The following CDK14 variants were observed in gnomAD, a reference collection of about 807,000 sequenced individuals.
The protein encoded by CDK14 is cyclin-dependent kinase 14.
In CDK14, 34 loss-of-function variants were observed where a neutral mutation model predicts 60.7. The ratio of observed to expected loss-of-function variants is 0.56; its 90% CI spans 0.43 to 0.75. The LOEUF (loss-of-function observed/expected upper bound fraction) is 0.75, where lower values mean the gene tolerates loss of function less well. Among genes scored for constraint, CDK14 ranks in the 30% least tolerant of loss-of-function variants. The pLI, the probability that CDK14 is intolerant of heterozygous loss-of-function variation, is 0.00. For missense variants in CDK14, 482 were observed against 564.1 expected (o/e 0.85, Z 1.47); for synonymous variants, 197 against 203.7 (o/e 0.97, Z 0.28).
chr7:90,879,114 G>A (rs1276601354), intron 6 of CDK14, among the ~76,000 whole-genome samples: 1 of 152,142 alleles, frequency 6.6e-6, no homozygotes. Context: ...CAATGACTTG[G>A]ACTATCCTGA....
At chr7:90,639,262 T>C (rs543389777) in intron 2 of CDK14, among the ~76,000 whole-genome samples, 1,775 of 152,128 alleles carry the variant, frequency 0.012, 36 homozygotes, top group African/African-American at 0.04. Context: ...TGTGGTTTTA[T>C]CTACTTTTGG....
At chr7:90,726,542 T>C in intron 2 of CDK14, 25 bp from the exon 3 acceptor site, 1 of 1,609,280 alleles carries the variant, frequency 6.2e-7, no homozygotes, top group Non-Finnish European at 8.5e-7. Context: ...TGAAGAGTTC[T>C]GAATTTAATT....
rs10280451 is a variant in CDK14, at chr7:90,720,816, C to G, written c.124-5751C>G. 6.3e-4 allele frequency among the ~76,000 whole-genome samples: 95 copies of G among 151,970 alleles called. 2 individuals carry two copies. Among genetic ancestry groups the G allele is most frequent in the African/African-American group, 2.3e-3 (94 of 41,438 alleles). ...TTGTGTCTTTTTGGGATTTTGTAATCTTTACAGGACCACAAGTAAAAGAAT... is the reference window on the plus strand; with the variant it reads ...TTGTGTCTTTTTGGGATTTTGTAATGTTTACAGGACCACAAGTAAAAGAAT... On this transcript the variant is annotated intron_variant, in intron 2 of 14. Transcript: ENST00000380050.
At chr7:90,780,519 C>T (rs1057438191) in intron 4 of CDK14, among the ~76,000 whole-genome samples, 1 of 149,808 alleles carries the variant, frequency 6.7e-6, no homozygotes, top group African/African-American at 2.5e-5. Flanking sequence ...TGGTATGCTG[C>T]ACCCATTAAC....
intron 4 of CDK14, among the ~76,000 whole-genome samples, chr7:90,763,543 A>T (rs947935723): frequency 6.6e-6 from 1 of 152,110 alleles, no homozygotes; most frequent in African/African-American, 2.4e-5. Flanking sequence ...CAGTTCTCTC[A>T]GCTATCTGTT....
chr7:90,984,776 C>T (rs1795329651), intron 10 of CDK14, among the ~76,000 whole-genome samples: 1 of 152,192 alleles, frequency 6.6e-6, no homozygotes, highest in Non-Finnish European at 1.5e-5. Context: ...CACCTCACCT[C>T]TGTGGTCTTC....
intron 10 of CDK14, among the ~76,000 whole-genome samples, chr7:91,007,433 C>G (rs1177418347): frequency 6.6e-6 from 1 of 152,144 alleles, no homozygotes; most frequent in Non-Finnish European, 1.5e-5. Flanking sequence ...ACTAAGTTAA[C>G]CAGGGTCAGT....
intron 14 of CDK14, among the ~76,000 whole-genome samples, chr7:91,155,652 G>A (rs1995900): frequency 0.33 from 50,756 of 151,988 alleles, 10,681 homozygotes; most frequent in Non-Finnish European, 0.48. Flanking sequence ...AAAAACACAT[G>A]AACAAAAATA....
intron 2 of CDK14, among the ~76,000 whole-genome samples, chr7:90,625,395 A>G (rs1799856425): frequency 6.6e-6 from 1 of 152,206 alleles, no homozygotes; most frequent in Admixed American, 6.5e-5. Flanking sequence ...CATGTACATT[A>G]AGCTTTCAGT....
chr7:90,752,088 A>G (rs150007264), intron 4 of CDK14, among the ~76,000 whole-genome samples: 1 of 152,286 alleles, frequency 6.6e-6, no homozygotes, highest in East Asian at 1.9e-4. Flanking sequence ...GGGCTTCCAC[A>G]ACGCACTGAC....
chr7:91,013,033 T>A (rs1796205531), intron 10 of CDK14, among the ~76,000 whole-genome samples: 1 of 152,202 alleles, frequency 6.6e-6, no homozygotes, highest in African/African-American at 2.4e-5. Flanking sequence ...CACTGCTGAA[T>A]AACAGCAATA....
intron 10 of CDK14, among the ~76,000 whole-genome samples, chr7:90,996,304 C>T (rs1795679710): frequency 6.6e-6 from 1 of 152,128 alleles, no homozygotes; most frequent in African/African-American, 2.4e-5. Context: ...GAAGTCTTTA[C>T]CCTCAAGGAT....
intron 2 of CDK14, among the ~76,000 whole-genome samples, chr7:90,700,990 TA>T (rs1801773094): frequency 1.3e-5 from 2 of 152,226 alleles, no homozygotes; most frequent in Non-Finnish European, 1.5e-5. Context: ...ACAGAAAATG[TA>T]GTTTACTTTA....
chr7:90,679,915 A>C (rs984583224), intron 2 of CDK14, among the ~76,000 whole-genome samples: 1 of 152,206 alleles, frequency 6.6e-6, no homozygotes, highest in Non-Finnish European at 1.5e-5. Flanking sequence ...GAATGTCTCC[A>C]ACTCAAAAAT....
intron 14 of CDK14, among the ~76,000 whole-genome samples, chr7:91,144,836 A>C (rs902437452): frequency 1.3e-5 from 2 of 152,310 alleles, no homozygotes; most frequent in South Asian, 2.1e-4. Context: ...GAGATGATTA[A>C]AAAGAAAAAC....
chr7:90,998,626 C>T (rs1199146267), intron 10 of CDK14, among the ~76,000 whole-genome samples: 3 of 152,174 alleles, frequency 2.0e-5, no homozygotes, highest in South Asian at 2.1e-4. Context: ...CGGTGGCTCA[C>T]GCCTGTAATC....
chr7:91,031,525 A>C (rs73230818), intron 10 of CDK14, among the ~76,000 whole-genome samples: 4,322 of 152,282 alleles, frequency 0.028, 83 homozygotes, highest in South Asian at 0.046. Context: ...CCTAAAAAAG[A>C]AATGTAGAGA....
chr7:91,019,900 C>G (rs368384073), intron 10 of CDK14, among the ~76,000 whole-genome samples: 14 of 152,298 alleles, frequency 9.2e-5, no homozygotes, highest in African/African-American at 3.4e-4. Context: ...GCATAACAAA[C>G]CACTTAAGAA....
At chr7:90,972,188 T>C (rs1794951814) in intron 9 of CDK14, among the ~76,000 whole-genome samples, 1 of 152,194 alleles carries the variant, frequency 6.6e-6, no homozygotes, top group Admixed American at 6.5e-5. Context: ...TATATTTTCA[T>C]TCCTTAAGAG....
Sources: allele counts gnomAD v4.1 joint callset (sites outside exome capture counted in the v4.1 genomes callset), GRCh38; gene constraint gnomAD v4.1.1; transcripts MANE v1.5; gene names NCBI Gene and HGNC (gene_info 2026-07-23, HGNC 2026-07-21).